Variants in JAKMIP2 observed in about 807,000 individuals in gnomAD.
JAKMIP2 encodes the protein janus kinase and microtubule interacting protein 2.
Under a neutral mutation model 115.0 loss-of-function variants are expected in JAKMIP2, and 25 were observed. The ratio of observed to expected loss-of-function variants is 0.22; its 90% CI spans 0.16 to 0.30. JAKMIP2 has a LOEUF of 0.30. Among genes scored for constraint, JAKMIP2 ranks in the 10% least tolerant of loss-of-function variants. The pLI, the probability that JAKMIP2 is intolerant of heterozygous loss-of-function variation, is 1.00. For missense variants in JAKMIP2, 642 were observed against 957.6 expected (o/e 0.67, Z 4.35); for synonymous variants, 334 against 343.6 (o/e 0.97, Z 0.31).
chr5:147,588,703 A>G lies in JAKMIP2; in HGVS notation c.*3004T>C, dbSNP rs777748824. ...CAGATCTTAAGCAAAAAGAAAAAAC[A>G]AGCAAACCTTTTGCCTGGCCCTAAA... On this transcript the variant is annotated 3_prime_UTR_variant, in exon 22 of 22. Transcript: ENST00000616793. 2 of 152,212 alleles carry G rather than the reference A, an allele frequency of 1.3e-5. No individual in the cohort carries two copies. The highest frequency in any genetic ancestry group is 2.9e-5 in the Non-Finnish European group (2 of 68,038). The allele number at this position is 152,212 out of a possible 1,614,324, so 9.4% of individuals were successfully genotyped here.
rs959854587 is a variant in JAKMIP2, at chr5:147,587,371, C to G, written c.*4336G>C. On this transcript the variant is annotated 3_prime_UTR_variant, in exon 22 of 22. Transcript: ENST00000616793. ...GTTATGAAAATTTCACAAAAGGCAA[C>G]AAGCAATGCAACTCCCAAATTACAG... The G allele has an allele frequency of 6.6e-6, 1 of 151,900 alleles. No individual in the cohort carries two copies. 9.4% of individuals were successfully genotyped at this position (151,900 alleles called of 1,614,324 possible). A position where few individuals can be genotyped will look rare whatever the true frequency, so the allele number is the denominator to read the frequency against.
chr5:147,739,928 CTA>C (rs1289370288), intron 1 of JAKMIP2, among the ~76,000 whole-genome samples: 4 of 152,096 alleles, frequency 2.6e-5, no homozygotes, highest in African/African-American at 9.7e-5. Flanking sequence ...CATAGAAAGA[CTA>C]TGTCTAGTAT....
At chr5:147,728,092 G>A (rs796693935) in intron 1 of JAKMIP2, among the ~76,000 whole-genome samples, 41 of 152,186 alleles carry the variant, frequency 2.7e-4, no homozygotes, top group African/African-American at 8.2e-4. Context: ...GACTTTTTAG[G>A]GGTATCAGAA....
chr5:147,621,400 T>C (rs1756841268), intron 17 of JAKMIP2, among the ~76,000 whole-genome samples: 1 of 152,176 alleles, frequency 6.6e-6, no homozygotes, highest in Non-Finnish European at 1.5e-5. Flanking sequence ...AATTGTTTCT[T>C]TGGGTGTTTA....
chr5:147,681,789 C>T (rs569691007), intron 1 of JAKMIP2, among the ~76,000 whole-genome samples: 2 of 152,106 alleles, frequency 1.3e-5, no homozygotes, highest in Non-Finnish European at 2.9e-5. Flanking sequence ...CACCGGTAAT[C>T]CCAGCACTTT....
chr5:147,631,573 C>G (rs1413973039), intron 13 of JAKMIP2, 62 bp from the exon 14 acceptor site: 8 of 1,061,376 alleles, frequency 7.5e-6, no homozygotes, highest in Non-Finnish European at 1.2e-5. Context: ...AAACACTAAA[C>G]CAGTGGTCTC....
chr5:147,600,615 G>T (rs1013136378), intron 21 of JAKMIP2, among the ~76,000 whole-genome samples: 1 of 152,068 alleles, frequency 6.6e-6, no homozygotes, highest in South Asian at 2.1e-4. Context: ...TTGAACAGTG[G>T]TATTGAGATT....
At chr5:147,731,088 T>A (rs1434849948) in intron 1 of JAKMIP2, among the ~76,000 whole-genome samples, 1 of 152,098 alleles carries the variant, frequency 6.6e-6, no homozygotes, top group East Asian at 1.9e-4. Context: ...GGGCAGGAAA[T>A]GAAAGTGAGT....
intron 21 of JAKMIP2, among the ~76,000 whole-genome samples, chr5:147,597,626 A>T (rs1389144934): frequency 1.3e-5 from 2 of 152,126 alleles, no homozygotes; most frequent in Non-Finnish European, 2.9e-5. Context: ...GAAAAGGAGG[A>T]TTTTCAATGG....
At chr5:147,743,915 C>A (rs1300582378) in intron 1 of JAKMIP2, among the ~76,000 whole-genome samples, 1 of 152,074 alleles carries the variant, frequency 6.6e-6, no homozygotes, top group African/African-American at 2.4e-5. Flanking sequence ...AGTAACCCTC[C>A]CCTGCAGCAC....
At chr5:147,670,168 G>A (rs1247372913) in intron 2 of JAKMIP2, among the ~76,000 whole-genome samples, 1 of 152,118 alleles carries the variant, frequency 6.6e-6, no homozygotes, top group Non-Finnish European at 1.5e-5. Flanking sequence ...CTTTATCTAA[G>A]GTCAAGGCTT....
intron 2 of JAKMIP2, among the ~76,000 whole-genome samples, chr5:147,662,187 A>C (rs28505078): frequency 7.3e-5 from 9 of 123,748 alleles, no homozygotes; most frequent in East Asian, 3.0e-4. Context: ...CACACACACA[A>C]ACAAAAAACC....
chr5:147,777,979 C>G (rs1343023469), intron 1 of JAKMIP2, among the ~76,000 whole-genome samples: 2 of 152,040 alleles, frequency 1.3e-5, no homozygotes, highest in Non-Finnish European at 2.9e-5. Flanking sequence ...TATTTTATGA[C>G]AATATCATTT....
intron 16 of JAKMIP2, among the ~76,000 whole-genome samples, chr5:147,625,845 A>T (rs1421250996): frequency 6.6e-6 from 1 of 152,202 alleles, no homozygotes; most frequent in East Asian, 1.9e-4. Context: ...ATAAAAGTAT[A>T]CCTGTACTCC....
intron 16 of JAKMIP2, among the ~76,000 whole-genome samples, chr5:147,627,141 A>C (rs1757131967): frequency 6.6e-6 from 1 of 152,160 alleles, no homozygotes; most frequent in East Asian, 1.9e-4. Flanking sequence ...CTTAGAGTCT[A>C]GTGGTAGTTA....
intron 21 of JAKMIP2, 148 bp from the exon 22 acceptor site, chr5:147,591,834 T>A: frequency 1.8e-6 from 1 of 560,464 alleles, no homozygotes; most frequent in South Asian, 2.6e-5. Context: ...TCTCTAAGCT[T>A]AGTTACTTTA....
intron 21 of JAKMIP2, chr5:147,595,541 G>C (rs1045806969): frequency 6.6e-6 from 3 of 454,792 alleles, no homozygotes; most frequent in African/African-American, 6.0e-5. Flanking sequence ...CTCCAGAGTG[G>C]TGAGCAATAC....
intron 1 of JAKMIP2, among the ~76,000 whole-genome samples, chr5:147,765,864 G>A (rs1000417588): frequency 4.6e-5 from 7 of 151,740 alleles, no homozygotes; most frequent in African/African-American, 1.7e-4. Flanking sequence ...CATTTTCATT[G>A]AATATATTCT....
chr5:147,724,549 ACC>A (rs952329494), intron 1 of JAKMIP2, among the ~76,000 whole-genome samples: 10 of 152,308 alleles, frequency 6.6e-5, no homozygotes, highest in African/African-American at 2.4e-4. Flanking sequence ...TCAAATAAAA[ACC>A]ATTATCATTT....
Sources: gnomAD v4.1 joint callset for allele counts (sites outside exome capture counted in the v4.1 genomes callset) on GRCh38, gnomAD v4.1.1 for gene constraint, MANE v1.5 for transcripts, NCBI Gene and HGNC (gene_info 2026-07-23, HGNC 2026-07-21) for gene names.